The following ANKRD31 variants were observed in gnomAD, a reference collection of about 807,000 sequenced individuals.
The protein encoded by ANKRD31 is ankyrin repeat domain-containing protein 31.
ANKRD31 carries 147 observed loss-of-function variants against 186.0 expected under a neutral mutation model. The ratio of observed to expected loss-of-function variants is 0.79; its 90% CI spans 0.69 to 0.91. ANKRD31 has a LOEUF of 0.91. Among genes scored for constraint, ANKRD31 ranks in the 40% least tolerant of loss-of-function variants. ANKRD31 has a pLI of 0.00. For synonymous variants in ANKRD31, 673 were observed against 736.4 expected (o/e 0.91, Z 1.39); for missense variants, 1,986 against 2,148.8 (o/e 0.92, Z 1.50).
chr5:75,215,330 A>G (rs2150296080), intron 3 of ANKRD31, among the ~76,000 whole-genome samples: 1 of 152,276 alleles, frequency 6.6e-6, no homozygotes, highest in South Asian at 2.1e-4. Context: ...CTCACAGAAT[A>G]TCCAGAATAA....
At chr5:75,196,749 G>T (rs1166865211) in intron 6 of ANKRD31, among the ~76,000 whole-genome samples, 2 of 152,064 alleles carry the variant, frequency 1.3e-5, no homozygotes, top group African/African-American at 4.8e-5. Context: ...AATATTACAA[G>T]CCCTAGCTGT....
At chr5:75,138,073 G>A in intron 16 of ANKRD31, 75 bp from the exon 17 acceptor site, 1 of 1,276,504 alleles carries the variant, frequency 7.8e-7, no homozygotes, top group Non-Finnish European at 1.0e-6. Flanking sequence ...TATTACTAAG[G>A]TTTTGTTGCA....
At position 75,192,683 on chromosome 5, in the gene ANKRD31, T is replaced by C. The variant is rs1269377274; in HGVS notation, c.1392A>G (p.Gln464=). The C allele has an allele frequency of 1.2e-5, 18 of 1,530,378 alleles. No individual in the cohort carries two copies. The South Asian group carries it at 1.8e-4, about 15-fold the overall frequency. The allele number at this position is 1,530,378 out of a possible 1,614,324, so 94.8% of individuals were successfully genotyped here. ...ATGCATCACCTTTTTTTCCTGAAAA[T>C]TGTTCATTTTTCCTGATCTGTTTTC... The part of the protein sequence containing the change: ...KNGKQIRKNE[Q]FSGKKEKMKV... Residue 464 remains glutamine, a synonymous_variant, in exon 9 of 26, where the codon CAA becomes CAG. Transcript: ENST00000506364.
At chr5:75,072,554 C>G (rs1390225413) in intron 25 of ANKRD31, among the ~76,000 whole-genome samples, 1 of 152,176 alleles carries the variant, frequency 6.6e-6, no homozygotes, top group Admixed American at 6.5e-5. Flanking sequence ...TTCTAATGAA[C>G]GACTAAATCT....
intron 10 of ANKRD31, among the ~76,000 whole-genome samples, chr5:75,185,778 TC>T (rs1206983699): frequency 6.6e-6 from 1 of 151,932 alleles, no homozygotes; most frequent in Non-Finnish European, 1.5e-5. Context: ...AACACATTGT[TC>T]CCCATAAATA....
intron 25 of ANKRD31, among the ~76,000 whole-genome samples, chr5:75,071,065 T>C (rs898645715): frequency 3.3e-5 from 5 of 152,178 alleles, no homozygotes; most frequent in African/African-American, 9.6e-5. Flanking sequence ...TCACCTTCAG[T>C]GGAGCGTAAA....
intron 22 of ANKRD31, among the ~76,000 whole-genome samples, chr5:75,094,415 A>T (rs1325840758): frequency 2.0e-5 from 3 of 152,194 alleles, no homozygotes; most frequent in Non-Finnish European, 4.4e-5. Context: ...ATAATGCTCT[A>T]CAGAAGTAAC....
Position 75,217,938 on chromosome 5 carries a change from T to C in ANKRD31, c.288+4311A>G, listed in dbSNP as rs182989676. On this transcript the variant is annotated intron_variant, in intron 3 of 25. Coordinates refer to ENST00000506364, the MANE Select transcript of ANKRD31 (RefSeq NM_001372053.1). ...TTAGGGCTTCTTTTAGGAGCTCTTG[T>C]AAGGAAGTTCTGGTGGTAATGAATT... Among the ~76,000 whole-genome samples the C allele has an allele frequency of 2.0e-5, 3 of 152,296 alleles. No homozygotes were observed. In the East Asian group the frequency reaches 5.8e-4, roughly 29 times the overall value.
chr5:75,176,273 C>G (rs192419128), intron 10 of ANKRD31, among the ~76,000 whole-genome samples: 39 of 152,296 alleles, frequency 2.6e-4, no homozygotes, highest in Middle Eastern at 6.8e-3. Flanking sequence ...AGCTCAAGGA[C>G]GCCTGCCTGC....
chr5:75,235,649 C>G (rs1269581839), intron 1 of ANKRD31, among the ~76,000 whole-genome samples: 1 of 152,186 alleles, frequency 6.6e-6, no homozygotes, highest in South Asian at 2.1e-4. Flanking sequence ...AGCCCTGCCC[C>G]AAGGCTGGCC....
At chr5:75,120,761 G>GT (rs1029406791) in intron 17 of ANKRD31, among the ~76,000 whole-genome samples, 1 of 152,082 alleles carries the variant, frequency 6.6e-6, no homozygotes, top group Non-Finnish European at 1.5e-5. Context: ...AAAACCTCAC[G>GT]TATCAATATT....
Position 75,091,417 on chromosome 5 carries a change from A to G in ANKRD31, c.5332-16T>C, listed in dbSNP as rs959642443. 1.3e-6 allele frequency: 2 copies of G among 1,516,282 alleles called. No homozygotes were observed. The highest frequency in any genetic ancestry group is 2.8e-5 in the African/African-American group (2 of 71,710). The allele number at this position is 1,516,282 out of a possible 1,614,324, so 93.9% of individuals were successfully genotyped here. A position where few individuals can be genotyped will look rare whatever the true frequency, so the allele number is the denominator to read the frequency against. On this transcript the variant is annotated splice_polypyrimidine_tract_variant and intron_variant, in intron 22 of 25. Coordinates refer to ENST00000506364, the MANE Select transcript of ANKRD31 (RefSeq NM_001372053.1). ...GGGTAGTCTCCTGAAGTGAAAAATA[A>G]AACAGAAATTAAGGTCAAAAATAGC...
chr5:75,143,358 G>T (rs1050470198), intron 15 of ANKRD31, among the ~76,000 whole-genome samples: 1 of 152,052 alleles, frequency 6.6e-6, no homozygotes, highest in African/African-American at 2.4e-5. Context: ...GCATGTTTTG[G>T]GGGGCCAGCA....
chr5:75,172,506 A>G (rs778587575), intron 10 of ANKRD31, among the ~76,000 whole-genome samples: 4 of 152,252 alleles, frequency 2.6e-5, no homozygotes, highest in Admixed American at 1.3e-4. Flanking sequence ...CTGATAAAGA[A>G]GAAAAGAGAG....
intron 17 of ANKRD31, among the ~76,000 whole-genome samples, chr5:75,131,753 A>T (rs1580387166): frequency 2.0e-5 from 3 of 151,980 alleles, no homozygotes. Flanking sequence ...ACTAGGAGGC[A>T]CCTCCCATTA....
At chr5:75,112,194 C>T (rs193301375) in intron 20 of ANKRD31, among the ~76,000 whole-genome samples, 35 of 152,146 alleles carry the variant, frequency 2.3e-4, no homozygotes, top group Admixed American at 1.1e-3. Flanking sequence ...GGGTTCATGC[C>T]ATTCTCCTGC....
At chr5:75,207,029 G>A (rs928902322) in intron 4 of ANKRD31, among the ~76,000 whole-genome samples, 1 of 152,148 alleles carries the variant, frequency 6.6e-6, no homozygotes, top group African/African-American at 2.4e-5. Context: ...CATCTGCCCT[G>A]TGATAATTAA....
chr5:75,077,058 A>G (rs1260153926), intron 25 of ANKRD31, among the ~76,000 whole-genome samples: 1 of 152,204 alleles, frequency 6.6e-6, no homozygotes, highest in South Asian at 2.1e-4. Context: ...GTGATGGAGT[A>G]TTACATAATT....
At position 75,147,062 on chromosome 5, in the gene ANKRD31, A is replaced by G. The variant is rs1039219694; in HGVS notation, c.2349T>C (p.Pro783=). 5.9e-6 allele frequency: 9 copies of G among 1,536,278 alleles called. No homozygotes were observed. Among genetic ancestry groups the G allele is most frequent in the Non-Finnish European group, 7.9e-6 (9 of 1,146,338 alleles). The part of the protein sequence containing the change: ...HNDLPEELCE[P]SSLTLSSLRN... ...TCAGGCTTGACAGAGTTAAGCTGGA[A>G]GGTTCACACAATTCTTCTGGAAGGT... The change falls in exon 14 of 26, where the codon CCT becomes CCC. Residue 783 remains proline (P), a synonymous_variant. Coordinates refer to ENST00000506364, the MANE Select transcript of ANKRD31 (RefSeq NM_001372053.1).
Sources: gnomAD v4.1 joint callset for allele counts (sites outside exome capture counted in the v4.1 genomes callset) on GRCh38, gnomAD v4.1.1 for gene constraint, MANE v1.5 for transcripts, NCBI Gene and HGNC (gene_info 2026-07-23, HGNC 2026-07-21) for gene names.